STXBP5L: variants seen among roughly 807,000 people sequenced by gnomAD.
STXBP5L encodes syntaxin-binding protein 5-like.
A neutral mutation model predicts 144.5 loss-of-function variants in STXBP5L; 65 were observed. That is an observed-to-expected ratio of 0.45 (90% CI 0.37 to 0.55). The LOEUF (loss-of-function observed/expected upper bound fraction) is 0.55, where lower values mean the gene tolerates loss of function less well. Ranked by LOEUF, STXBP5L falls within the 20% of genes least tolerant of loss-of-function variation. The pLI, the probability that STXBP5L is intolerant of heterozygous loss-of-function variation, is 0.00. For synonymous variants in STXBP5L, 505 were observed against 469.6 expected (o/e 1.08, Z -0.97); for missense variants, 1,298 against 1,405.5 (o/e 0.92, Z 1.22).
chr3:121,266,285 C>G (rs1407508194), intron 18 of STXBP5L, among the ~76,000 whole-genome samples: 1 of 152,222 alleles, frequency 6.6e-6, no homozygotes, highest in Non-Finnish European at 1.5e-5. Flanking sequence ...CCACCACGAT[C>G]AAGTTGGCCT....
At chr3:121,062,938 C>A (rs2041356278) in intron 5 of STXBP5L, among the ~76,000 whole-genome samples, 1 of 152,198 alleles carries the variant, frequency 6.6e-6, no homozygotes, top group African/African-American at 2.4e-5. Context: ...AGCTTCCTTG[C>A]ATTGGGTTAA....
chr3:121,125,026 AT>A (rs2044641323), intron 7 of STXBP5L, among the ~76,000 whole-genome samples: 1 of 152,128 alleles, frequency 6.6e-6, no homozygotes, highest in Admixed American at 6.5e-5. Context: ...TAATTTGTTA[AT>A]TTGTTGAATT....
At chr3:121,270,785 A>G (rs776542847) in intron 18 of STXBP5L, among the ~76,000 whole-genome samples, 1 of 152,092 alleles carries the variant, frequency 6.6e-6, no homozygotes, top group Non-Finnish European at 1.5e-5. Context: ...ATATTTTTAG[A>G]GTACAGCCAA....
At chr3:121,008,592 A>G (rs1178284762) in intron 3 of STXBP5L, among the ~76,000 whole-genome samples, 1 of 151,994 alleles carries the variant, frequency 6.6e-6, no homozygotes, top group Non-Finnish European at 1.5e-5. Context: ...ATAATAACAC[A>G]CTTAAAACTA....
At position 121,422,485 on chromosome 3, in the gene STXBP5L, C is replaced by T. The variant is rs1033784967; in HGVS notation, c.*3388C>T. On this transcript the variant is annotated 3_prime_UTR_variant, in exon 27 of 27. Transcript: ENST00000471454. Reference sequence around the variant, plus strand: ...GAGGTATTTGTTTCCCTGATAATAACGTGAGCAATAGTCCCTACCTTGAAA... The same window carrying T: ...GAGGTATTTGTTTCCCTGATAATAATGTGAGCAATAGTCCCTACCTTGAAA... 28 of 152,106 alleles carry T rather than the reference C, an allele frequency of 1.8e-4. No individual in the cohort carries two copies. Among genetic ancestry groups the T allele is most frequent in the African/African-American group, 6.3e-4 (26 of 41,406 alleles). 9.4% of individuals were successfully genotyped at this position (152,106 alleles called of 1,614,324 possible). A position where few individuals can be genotyped will look rare whatever the true frequency, so the allele number is the denominator to read the frequency against.
chr3:120,934,359 A>G (rs757952305), intron 2 of STXBP5L, among the ~76,000 whole-genome samples: 1 of 152,010 alleles, frequency 6.6e-6, no homozygotes, highest in African/African-American at 2.4e-5. Context: ...GTCTTAGAGC[A>G]TACTTTGTTT....
chr3:121,013,172 CTT>C (rs1560000513), intron 3 of STXBP5L, among the ~76,000 whole-genome samples: 1 of 151,888 alleles, frequency 6.6e-6, no homozygotes, highest in African/African-American at 2.4e-5. Context: ...GGCCAAATGA[CTT>C]TTTGGTGGAA....
intron 3 of STXBP5L, among the ~76,000 whole-genome samples, chr3:120,994,251 C>T (rs1049756464): frequency 6.6e-6 from 1 of 151,962 alleles, no homozygotes; most frequent in African/African-American, 2.4e-5. Flanking sequence ...AGTTTGACTT[C>T]CTCTTTTCTA....
At chr3:121,365,654 T>TCC (rs1346215941) in intron 20 of STXBP5L, among the ~76,000 whole-genome samples, 1 of 151,752 alleles carries the variant, frequency 6.6e-6, no homozygotes, top group Non-Finnish European at 1.5e-5. Context: ...AATTTGACTC[T>TCC]TCTCTCTCTG....
chr3:121,015,754 C>T (rs1024560563), intron 3 of STXBP5L, among the ~76,000 whole-genome samples: 2 of 152,104 alleles, frequency 1.3e-5, no homozygotes, highest in Non-Finnish European at 2.9e-5. Context: ...AAAGGCTTTA[C>T]TAGAGCCTTA....
At chr3:120,925,444 T>C (rs866647268) in intron 2 of STXBP5L, among the ~76,000 whole-genome samples, 4 of 152,324 alleles carry the variant, frequency 2.6e-5, no homozygotes, top group Middle Eastern at 3.4e-3. Context: ...AGTCTTTGAT[T>C]TGTAGTGTAT....
intron 19 of STXBP5L, among the ~76,000 whole-genome samples, chr3:121,293,495 A>T (rs542494218): frequency 6.6e-6 from 1 of 152,266 alleles, no homozygotes; most frequent in South Asian, 2.1e-4. Flanking sequence ...TAACAAGGCT[A>T]TTTTTTAAAA....
intron 20 of STXBP5L, among the ~76,000 whole-genome samples, chr3:121,331,610 T>C (rs981207529): frequency 2.0e-5 from 3 of 152,106 alleles, no homozygotes; most frequent in East Asian, 1.9e-4. Context: ...GAGGTAGCTC[T>C]CTCCCTTCCT....
At chr3:120,925,789 T>C (rs1172212381) in intron 2 of STXBP5L, among the ~76,000 whole-genome samples, 3 of 152,210 alleles carry the variant, frequency 2.0e-5, no homozygotes, top group Non-Finnish European at 4.4e-5. Context: ...AATTTGTTGC[T>C]TTTTATTTTT....
At chr3:121,271,744 C>T (rs561856717) in intron 18 of STXBP5L, among the ~76,000 whole-genome samples, 1 of 152,258 alleles carries the variant, frequency 6.6e-6, no homozygotes, top group East Asian at 1.9e-4. Context: ...TCAATTAAAA[C>T]TGTATTAGTC....
chr3:121,114,532 A>G (rs1459327206), intron 5 of STXBP5L, among the ~76,000 whole-genome samples: 2 of 152,188 alleles, frequency 1.3e-5, no homozygotes, highest in African/African-American at 4.8e-5. Context: ...AATGTAGCTT[A>G]GTGAAAGATG....
intron 6 of STXBP5L, among the ~76,000 whole-genome samples, chr3:121,118,309 A>T (rs1395938282): frequency 1.3e-5 from 2 of 151,812 alleles, no homozygotes; most frequent in African/African-American, 2.4e-5. Flanking sequence ...AGATTGTTAC[A>T]TCTATGCTGA....
chr3:120,940,036 AT>A (rs893680685), intron 2 of STXBP5L, among the ~76,000 whole-genome samples: 5 of 151,916 alleles, frequency 3.3e-5, no homozygotes, highest in Non-Finnish European at 5.9e-5. Context: ...CAAGATTTTC[AT>A]TTTTTTTAAA....
chr3:120,933,443 C>A (rs1339000092), intron 2 of STXBP5L, among the ~76,000 whole-genome samples: 2 of 152,042 alleles, frequency 1.3e-5, no homozygotes, highest in African/African-American at 4.8e-5. Flanking sequence ...TGCTTTTAGT[C>A]ATTCTGTCAT....
Sources: allele counts gnomAD v4.1 joint callset (sites outside exome capture counted in the v4.1 genomes callset), GRCh38; gene constraint gnomAD v4.1.1; transcripts MANE v1.5; gene names NCBI Gene and HGNC (gene_info 2026-07-23, HGNC 2026-07-21).